The following ASTN2 variants were observed in gnomAD, a reference collection of about 807,000 sequenced individuals.
ASTN2 encodes the protein astrotactin-2.
Under a neutral mutation model 139.8 loss-of-function variants are expected in ASTN2, and 54 were observed. The ratio of observed to expected loss-of-function variants is 0.39; its 90% CI spans 0.31 to 0.48. The LOEUF (loss-of-function observed/expected upper bound fraction) is 0.48. Among genes scored for constraint, ASTN2 ranks in the 20% least tolerant of loss-of-function variants. The pLI is 0.95. For synonymous variants in ASTN2, 756 were observed against 719.5 expected (o/e 1.05, Z -0.81); for missense variants, 1,565 against 1,725.1 (o/e 0.91, Z 1.64).
chr9:116,660,327 A>C (rs546448905), intron 16 of ASTN2, among the ~76,000 whole-genome samples: 59 of 152,328 alleles, frequency 3.9e-4, no homozygotes, highest in African/African-American at 1.4e-3. Flanking sequence ...CTCTTCCCCT[A>C]AATGTATAAG....
chr9:116,785,446 T>C (rs962628398), intron 13 of ASTN2, among the ~76,000 whole-genome samples: 1 of 152,222 alleles, frequency 6.6e-6, no homozygotes. Context: ...GGCCAGATGA[T>C]GGCTATTGAC....
intron 1 of ASTN2, among the ~76,000 whole-genome samples, chr9:117,385,038 G>C (rs1356616380): frequency 1.3e-5 from 2 of 152,104 alleles, no homozygotes; most frequent in African/African-American, 4.8e-5. Context: ...TACCCATAAT[G>C]ATGAACTCCA....
intron 13 of ASTN2, among the ~76,000 whole-genome samples, chr9:116,754,762 TA>T (rs2132159283): frequency 6.6e-6 from 1 of 152,114 alleles, no homozygotes; most frequent in Admixed American, 6.5e-5. Flanking sequence ...CTAAAAAAAA[TA>T]AAATAAAAAT....
intron 2 of ASTN2, among the ~76,000 whole-genome samples, chr9:117,244,544 G>A (rs1833309572): frequency 6.8e-6 from 1 of 147,978 alleles, no homozygotes; most frequent in Admixed American, 6.7e-5. Flanking sequence ...AAGGAAGGAA[G>A]GTAGGACAGT....
At chr9:116,840,742 G>A (rs1832219934) in intron 11 of ASTN2, among the ~76,000 whole-genome samples, 1 of 145,452 alleles carries the variant, frequency 6.9e-6, no homozygotes, top group Non-Finnish European at 1.5e-5. Context: ...CCCGGACGGG[G>A]CGGCAGGGCA....
chr9:117,137,746 G>T (rs1829987084), intron 4 of ASTN2, among the ~76,000 whole-genome samples: 1 of 151,950 alleles, frequency 6.6e-6, no homozygotes, highest in Non-Finnish European at 1.5e-5. Flanking sequence ...TTTTGTCCAA[G>T]GAAATCTTGA....
chr9:116,707,263 C>A (rs535457986), intron 16 of ASTN2, among the ~76,000 whole-genome samples: 1 of 126,412 alleles, frequency 7.9e-6, no homozygotes, highest in African/African-American at 3.0e-5. Context: ...TGCCTATGCC[C>A]TATGCCACTA....
intron 10 of ASTN2, among the ~76,000 whole-genome samples, chr9:116,933,731 T>G (rs1311694610): frequency 1.3e-5 from 2 of 151,906 alleles, no homozygotes; most frequent in Non-Finnish European, 2.9e-5. Context: ...ATACCAATTA[T>G]GCTGGAACCC....
At chr9:116,705,944 C>G (rs1827978558) in intron 16 of ASTN2, among the ~76,000 whole-genome samples, 1 of 152,014 alleles carries the variant, frequency 6.6e-6, no homozygotes, top group Non-Finnish European at 1.5e-5. Flanking sequence ...TAAAGAAATT[C>G]AAAGGTCTAA....
intron 6 of ASTN2, among the ~76,000 whole-genome samples, chr9:117,033,708 A>G (rs757773781): frequency 6.6e-6 from 1 of 152,086 alleles, no homozygotes; most frequent in Non-Finnish European, 1.5e-5. Flanking sequence ...TAGAGCATAG[A>G]AGAACCTTAG....
intron 4 of ASTN2, among the ~76,000 whole-genome samples, chr9:117,098,305 G>T (rs555576392): frequency 7.2e-5 from 11 of 152,258 alleles, no homozygotes; most frequent in African/African-American, 2.6e-4. Flanking sequence ...GCTCAGAAAA[G>T]AAAAATGATT....
At chr9:116,694,011 C>T (rs551237407) in intron 16 of ASTN2, among the ~76,000 whole-genome samples, 11 of 152,084 alleles carry the variant, frequency 7.2e-5, no homozygotes, top group Non-Finnish European at 1.3e-4. Context: ...AGACTATTTC[C>T]GTGCCTCATG....
chr9:117,231,922 G>A (rs871121), intron 2 of ASTN2, among the ~76,000 whole-genome samples: 43,701 of 152,070 alleles, frequency 0.29, 7,632 homozygotes, highest in Middle Eastern at 0.4. Flanking sequence ...GGCTGTCAGA[G>A]GGCCACTAAG....
chr9:116,543,960 A>G (rs1351626616), intron 19 of ASTN2: 2 of 152,226 alleles, frequency 1.3e-5, no homozygotes, highest in African/African-American at 2.4e-5. Context: ...CCGGGAGTAG[A>G]TGACTAAACC....
chr9:116,528,101 C>T (rs759092894), intron 19 of ASTN2, among the ~76,000 whole-genome samples: 2 of 152,150 alleles, frequency 1.3e-5, no homozygotes, highest in Non-Finnish European at 2.9e-5. Context: ...GAAGTTGGAA[C>T]AGTTTTGAGG....
intron 6 of ASTN2, among the ~76,000 whole-genome samples, chr9:117,022,348 A>G (rs528138102): frequency 1.3e-5 from 2 of 152,110 alleles, no homozygotes; most frequent in East Asian, 3.9e-4. Flanking sequence ...CACAACCTCT[A>G]TGAGAAGACA....
At chr9:116,486,239 T>C (rs1302081399) in intron 20 of ASTN2, among the ~76,000 whole-genome samples, 1 of 152,234 alleles carries the variant, frequency 6.6e-6, no homozygotes, top group Middle Eastern at 3.2e-3. Context: ...CTCATTCATA[T>C]CCACAGTGCT....
At chr9:117,217,791 G>A (rs560823464) in intron 2 of ASTN2, among the ~76,000 whole-genome samples, 1 of 152,344 alleles carries the variant, frequency 6.6e-6, no homozygotes, top group Admixed American at 6.5e-5. Context: ...TATACATTCT[G>A]TGTTGAACGA....
At position 117,128,883 on chromosome 9, in the gene ASTN2, C is replaced by A. The variant is rs897974598; in HGVS notation, c.1168+12443G>T. The stretch of plus-strand genomic sequence containing the variant: ...AGGCAAAGAGAGAATGAGGAAGATG[C>A]AAAAGCGGAAACCCCTGATAAAACT... On this transcript the variant is annotated intron_variant, in intron 4 of 22. Transcript: ENST00000313400. 1.3e-5 allele frequency among the ~76,000 whole-genome samples: 2 copies of A among 152,202 alleles called. 1 individual carries two copies. Among genetic ancestry groups the A allele is most frequent in the Admixed American group, 1.3e-4 (2 of 15,274 alleles).
Sources: allele counts gnomAD v4.1 joint callset (sites outside exome capture counted in the v4.1 genomes callset), GRCh38; gene constraint gnomAD v4.1.1; transcripts MANE v1.5; gene names NCBI Gene and HGNC (gene_info 2026-07-23, HGNC 2026-07-21).